Variants in BRD4 observed in about 807,000 individuals in gnomAD.
The protein encoded by BRD4 is bromodomain containing 4, also known as bromodomain-containing protein 4.
Under a neutral mutation model 142.1 loss-of-function variants are expected in BRD4, and 16 were observed. The observed-to-expected ratio is 0.11, with a 90% CI of 0.08 to 0.17. The LOEUF (loss-of-function observed/expected upper bound fraction) is 0.17. BRD4 is among the 10% of genes least tolerant of loss of function. The pLI is 1.00. For synonymous variants in BRD4, 833 were observed against 707.5 expected, an observed-to-expected ratio of 1.18 and a Z score of -2.82; for missense variants, 1,424 against 1,810.9, an observed-to-expected ratio of 0.79 and a Z score of 3.88.
chr19:15,244,807 G>C, intron 11 of BRD4, 45 bp from the exon 12 acceptor site: 3 of 1,613,660 alleles, frequency 1.9e-6, no homozygotes, highest in Non-Finnish European at 2.5e-6. Flanking sequence ...GGGAGAAGGT[G>C]AGTGAGCTGG....
At chr19:15,297,990 C>T (rs1323138205) in intron 1 of BRD4, among the ~76,000 whole-genome samples, 1 of 152,216 alleles carries the variant, frequency 6.6e-6, no homozygotes, top group Non-Finnish European at 1.5e-5. Context: ...CTATTACAAC[C>T]AGTGGAATCT....
intron 11 of BRD4, among the ~76,000 whole-genome samples, chr19:15,246,894 G>A (rs1168301841): frequency 6.6e-6 from 1 of 152,088 alleles, no homozygotes; most frequent in Non-Finnish European, 1.5e-5. Context: ...TGCCTAAAGG[G>A]GCTGGTGGTA....
chr19:15,287,893 C>T (rs1717180310), intron 1 of BRD4, among the ~76,000 whole-genome samples: 1 of 151,986 alleles, frequency 6.6e-6, no homozygotes, highest in Non-Finnish European at 1.5e-5. Context: ...CTCAGCCTCC[C>T]GAGTAGCTGG....
Position 15,239,381 on chromosome 19 carries a change from T to TC in BRD4, c.3576+10dup. 1 of 1,614,176 alleles carries TC rather than the reference T, an allele frequency of 6.2e-7. No individual in the cohort carries two copies. The highest frequency in any genetic ancestry group is 8.5e-7 in the Non-Finnish European group (1 of 1,180,034). On this transcript the variant is annotated intron_variant, in intron 17 of 19. Transcript: ENST00000679869. This position sits in a 1 kb window ranked among gnomAD's most constrained non-coding sequence, Gnocchi z 7.4. ...AAGGGGCAAGCGACACCCATGGACC[T>TC]CCATCCCAACCTTTTTGGGCGCAAC... is the stretch of plus-strand genomic sequence containing the variant.
chr19:15,331,593 G>A (rs1390995745), intron 1 of BRD4, among the ~76,000 whole-genome samples: 2 of 152,174 alleles, frequency 1.3e-5, no homozygotes, highest in African/African-American at 2.4e-5. Context: ...TCAGACCGGC[G>A]TGCAGCCGCA....
rs559468375 is a variant in BRD4 at position 15,262,524 on chromosome 19, TAAAAAAAA to T, written c.1341+888_1341+895del. On this transcript the variant is annotated intron_variant, in intron 7 of 19. Coordinates refer to ENST00000679869, the MANE Select transcript of BRD4 (RefSeq NM_001379291.1). ...TGCAACATGGCAAAACCCATCTCTT[TAAAAAAAA>T]AAAAAAAAAAGAAAAAAAAAAAGAA... Among the ~76,000 whole-genome samples, 3 of 97,802 alleles carry T rather than the reference TAAAAAAAA, an allele frequency of 3.1e-5. No individual in the cohort carries two copies. In the Admixed American group the frequency reaches 3.2e-4, roughly 10 times the overall value. 64.2% of individuals were successfully genotyped at this position (97,802 alleles called of 152,430 possible). A position where few individuals can be genotyped will look rare whatever the true frequency, so the allele number is the denominator to read the frequency against.
At chr19:15,258,350 T>C (rs2047434957) in intron 7 of BRD4, among the ~76,000 whole-genome samples, 1 of 152,106 alleles carries the variant, frequency 6.6e-6, no homozygotes, top group Non-Finnish European at 1.5e-5. Context: ...TTGGAGACAG[T>C]CTTCACCCAG....
Position 15,235,580 on chromosome 19 carries a change from A to C in BRD4, c.*2797T>G, listed in dbSNP as rs2047186700. ...TGAGAACTGCACAAAAAAAAAAAAA[A>C]ACCTTTCGTATGTAAGTGAAAAGTC... On this transcript the variant is annotated 3_prime_UTR_variant, in exon 20 of 20. Coordinates refer to ENST00000679869, the MANE Select transcript of BRD4 (RefSeq NM_001379291.1). 6.6e-6 allele frequency: 1 copy of C among 152,134 alleles called. No homozygotes were observed. Among genetic ancestry groups the C allele is most frequent in the Non-Finnish European group, 1.5e-5 (1 of 68,040 alleles). The allele number at this position is 152,134 out of a possible 1,614,324, so 9.4% of individuals were successfully genotyped here. A position where few individuals can be genotyped will look rare whatever the true frequency, so the allele number is the denominator to read the frequency against.
At chr19:15,281,974 T>A (rs2047708266) in intron 1 of BRD4, among the ~76,000 whole-genome samples, 1 of 152,178 alleles carries the variant, frequency 6.6e-6, no homozygotes, top group Non-Finnish European at 1.5e-5. Flanking sequence ...GCCGAGATTG[T>A]GCCACTGCAC....
intron 1 of BRD4, among the ~76,000 whole-genome samples, chr19:15,291,417 A>G (rs1219811755): frequency 1.3e-5 from 2 of 152,226 alleles, no homozygotes; most frequent in Non-Finnish European, 2.9e-5. Flanking sequence ...GAATGAAAAT[A>G]ACAACTAAAA....
At chr19:15,256,671 T>G (rs962697014) in intron 8 of BRD4, among the ~76,000 whole-genome samples, 1 of 152,116 alleles carries the variant, frequency 6.6e-6, no homozygotes, top group South Asian at 2.1e-4. Flanking sequence ...GAGACGAACA[T>G]CCTGGCTCAA....
At chr19:15,306,587 C>T (rs2047916082) in intron 1 of BRD4, among the ~76,000 whole-genome samples, 1 of 152,098 alleles carries the variant, frequency 6.6e-6, no homozygotes, top group Admixed American at 6.6e-5. Flanking sequence ...TAGCTTCTGA[C>T]TTGGTGTGAG....
Position 15,265,574 on chromosome 19 carries a change from G to C in BRD4, c.629C>G (p.Thr210Ser), listed in dbSNP as rs745976416. 5.0e-6 allele frequency: 8 copies of C among 1,614,172 alleles called. No individual in the cohort carries two copies. The East Asian group carries it at 1.6e-4, about 31-fold the overall frequency. The part of the protein sequence containing the change: ...TQASTPPQTQ[T>S]PQPNPPPVQA... ...CACAGGAGGAGGATTCGGCTGAGGGGTCTGGGTCTGCGGAGGAGTCGATGC... is the reference window on the plus strand; with the variant it reads ...CACAGGAGGAGGATTCGGCTGAGGGCTCTGGGTCTGCGGAGGAGTCGATGC... Residue 210 changes from threonine (T) to serine (S), a missense_variant, in exon 5 of 20, where the codon ACC (threonine) becomes AGC (serine). This residue lies in a region of BRD4 where 140 missense variants were observed against 131.7 expected (regional missense o/e 1.06). Coordinates refer to ENST00000679869, the MANE Select transcript of BRD4 (RefSeq NM_001379291.1).
chr19:15,294,278 C>T (rs555468481), intron 1 of BRD4, among the ~76,000 whole-genome samples: 15 of 152,372 alleles, frequency 9.8e-5, no homozygotes, highest in Admixed American at 8.5e-4. Context: ...AAGGTCTGGA[C>T]GTGCAGTTCA....
In BRD4 at chr19:15,256,116, C is replaced by T. The variant is rs2145572976; in HGVS notation, c.1699G>A (p.Glu567Lys). The T allele has an allele frequency of 6.2e-7, 1 of 1,611,882 alleles. No homozygotes were observed. Among genetic ancestry groups the T allele is most frequent in the Non-Finnish European group, 8.5e-7 (1 of 1,179,842 alleles). The change falls in exon 9 of 20, where the codon GAA becomes AAA. Residue 567 changes from glutamate to lysine, a missense_variant. Glu to Lys is a moderately conservative substitution (Grantham distance 56, BLOSUM62 1). This residue lies in a region of BRD4 where 86 missense variants were observed against 78.9 expected (regional missense o/e 1.09). Coordinates refer to ENST00000679869, the MANE Select transcript of BRD4 (RefSeq NM_001379291.1). ...TTCTTCGTCTTTTTAGGAGGAGGTT[C>T]CTTGGCTTTGCTTTTTTTATTCTCT... ...VEENKKSKAK[E>K]PPPKKTKKNN...
At chr19:15,302,012 C>CA (rs1374225378) in intron 1 of BRD4, among the ~76,000 whole-genome samples, 1 of 151,180 alleles carries the variant, frequency 6.6e-6, no homozygotes. Context: ...ACTAAAAATA[C>CA]AAAAATCAGC....
intron 1 of BRD4, among the ~76,000 whole-genome samples, chr19:15,283,864 A>G (rs2145652773): frequency 6.6e-6 from 1 of 152,332 alleles, no homozygotes; most frequent in Non-Finnish European, 1.5e-5. Flanking sequence ...GGCTGGCACA[A>G]GTGCTTTCAG....
chr19:15,329,050 G>A (rs543420334), intron 1 of BRD4, among the ~76,000 whole-genome samples: 1 of 151,810 alleles, frequency 6.6e-6, no homozygotes, highest in African/African-American at 2.4e-5. Context: ...TGGGATCACA[G>A]GCGTGAGCCA....
chr19:15,267,237 G>A (rs1019245700), intron 4 of BRD4, among the ~76,000 whole-genome samples, 179 bp downstream of exon 4: 1 of 152,092 alleles, frequency 6.6e-6, no homozygotes, highest in African/African-American at 2.4e-5. Context: ...AGAGGCCACA[G>A]GGCCACATGA....
Sources: allele counts gnomAD v4.1 joint callset (sites outside exome capture counted in the v4.1 genomes callset), GRCh38; gene constraint gnomAD v4.1.1; regional missense constraint gnomAD v4.1.1; non-coding constraint Gnocchi (gnomAD v3.1); transcripts MANE v1.5; gene names NCBI Gene and HGNC (gene_info 2026-07-23, HGNC 2026-07-21).